RBFOX1: variants seen among roughly 807,000 people sequenced by gnomAD.
RBFOX1 encodes RNA binding protein fox-1 homolog 1.
A neutral mutation model predicts 57.7 loss-of-function variants in RBFOX1; 8 were observed. The ratio of observed to expected loss-of-function variants is 0.14; its 90% confidence interval spans 0.08 to 0.25. The LOEUF is 0.25. Among genes scored for constraint, RBFOX1 ranks in the 10% least tolerant of loss-of-function variants. The probability of loss-of-function intolerance (pLI) is 1.00; values close to 1 mark genes in which losing one functional copy is unlikely to be tolerated. For synonymous variants in RBFOX1, 326 were observed against 222.4 expected, an observed-to-expected ratio of 1.47 and a Z score of -4.15; for missense variants, 611 against 548.5, an observed-to-expected ratio of 1.11 and a Z score of -1.14.
chr16:5,349,663 C>G (rs533432928), intron 1 of RBFOX1, among the ~76,000 whole-genome samples: 5 of 152,046 alleles, frequency 3.3e-5, no homozygotes, highest in African/African-American at 4.8e-5. Flanking sequence ...CAGAGCAAAA[C>G]TGTGTCTGGG....
chr16:7,259,465 C>T (rs529619793), intron 4 of RBFOX1, among the ~76,000 whole-genome samples: 3 of 151,782 alleles, frequency 2.0e-5, no homozygotes, highest in Admixed American at 1.3e-4. Context: ...TAAAATATTG[C>T]AGCCATTTGC....
At chr16:6,486,852 T>C (rs1684589590) in intron 2 of RBFOX1, among the ~76,000 whole-genome samples, 2 of 152,160 alleles carry the variant, frequency 1.3e-5, no homozygotes, top group Admixed American at 1.3e-4. Context: ...AGAAGAATTT[T>C]ACAATTATGA....
intron 2 of RBFOX1, among the ~76,000 whole-genome samples, chr16:5,529,746 T>A (rs1279439679): frequency 6.6e-6 from 1 of 152,066 alleles, no homozygotes; most frequent in Non-Finnish European, 1.5e-5. Context: ...TTTTGTATTT[T>A]TAGTAGAAAC....
At chr16:6,827,589 C>A (rs1157838670) in intron 3 of RBFOX1, among the ~76,000 whole-genome samples, 1 of 152,150 alleles carries the variant, frequency 6.6e-6, no homozygotes, top group Middle Eastern at 3.2e-3. Flanking sequence ...TCTCAGAGGG[C>A]CAGTCTCAGA....
At chr16:7,531,665 G>C (rs2080107391) in intron 5 of RBFOX1, among the ~76,000 whole-genome samples, 2 of 152,170 alleles carry the variant, frequency 1.3e-5, no homozygotes, top group Non-Finnish European at 2.9e-5. Flanking sequence ...TTACGGATGA[G>C]GGAACTGAGG....
At chr16:6,528,357 C>T (rs1362331) in intron 2 of RBFOX1, among the ~76,000 whole-genome samples, 5,318 of 152,282 alleles carry the variant, frequency 0.035, 340 homozygotes, top group African/African-American at 0.12. Context: ...TAACTGTTTG[C>T]ACAGTCTCCA....
chr16:7,433,052 T>C (rs1383799500), intron 4 of RBFOX1, among the ~76,000 whole-genome samples: 1 of 152,162 alleles, frequency 6.6e-6, no homozygotes, highest in African/African-American at 2.4e-5. Context: ...CCGCATAATC[T>C]TGTTTTCCCA....
chr16:5,416,440 A>C (rs1471204787), intron 1 of RBFOX1, among the ~76,000 whole-genome samples: 1 of 152,174 alleles, frequency 6.6e-6, no homozygotes, highest in Non-Finnish European at 1.5e-5. Flanking sequence ...TTTTTAGTTC[A>C]ACTTTTTCCC....
chr16:6,058,863 T>G (rs914886535), intron 1 of RBFOX1, among the ~76,000 whole-genome samples: 6 of 150,722 alleles, frequency 4.0e-5, no homozygotes. Flanking sequence ...CATCCATCCA[T>G]CCATCCATCC....
At position 5,927,315 on chromosome 16, in the gene RBFOX1, G is replaced by A. The variant is rs141415019; in HGVS notation, c.351+59980G>A. Among the ~76,000 whole-genome samples the A allele has an allele frequency of 3.1e-3, 476 of 152,308 alleles. 2 individuals are homozygous for A. The highest frequency in any genetic ancestry group is 0.011 in the African/African-American group (451 of 41,574). ...TGTGTGGCAAACAGACTTTTTGCTTGTTGAATTCCAAAATGTTGCAAGAAA... is the reference window on the plus strand; with the variant it reads ...TGTGTGGCAAACAGACTTTTTGCTTATTGAATTCCAAAATGTTGCAAGAAA... On this transcript the variant is annotated intron_variant, in intron 4 of 19. Transcript: ENST00000641259.
At chr16:6,242,607 T>A (rs2097545528) in intron 1 of RBFOX1, among the ~76,000 whole-genome samples, 1 of 139,346 alleles carries the variant, frequency 7.2e-6, no homozygotes, top group East Asian at 2.2e-4. Flanking sequence ...ACGTTCAGTT[T>A]GAGAGAGGAT....
chr16:6,909,215 T>C (rs1001180716), intron 3 of RBFOX1, among the ~76,000 whole-genome samples: 1 of 152,220 alleles, frequency 6.6e-6, no homozygotes, highest in African/African-American at 2.4e-5. Flanking sequence ...TGCCGGTTTC[T>C]AGAGGCCACC....
At chr16:7,533,792 C>T (rs1395433510) in intron 5 of RBFOX1, among the ~76,000 whole-genome samples, 4 of 152,264 alleles carry the variant, frequency 2.6e-5, no homozygotes, top group South Asian at 4.1e-4. Context: ...TCTGTACTGA[C>T]CTTGATTTAA....
intron 2 of RBFOX1, among the ~76,000 whole-genome samples, chr16:6,330,295 T>C: frequency 6.6e-6 from 1 of 152,182 alleles, no homozygotes; most frequent in Admixed American, 6.5e-5. Flanking sequence ...GCTCCTTTCC[T>C]AAGGCTGACT....
chr16:6,974,668 A>G (rs542078758), intron 3 of RBFOX1, among the ~76,000 whole-genome samples: 1 of 152,034 alleles, frequency 6.6e-6, no homozygotes, highest in South Asian at 2.1e-4. Context: ...CTTTATTTGC[A>G]TTTCTGGAAG....
At chr16:7,234,873 G>C (rs1313567834) in intron 4 of RBFOX1, among the ~76,000 whole-genome samples, 1 of 152,064 alleles carries the variant, frequency 6.6e-6, no homozygotes, top group African/African-American at 2.4e-5. Context: ...TAACAATTTT[G>C]TATGTCCCAT....
intron 4 of RBFOX1, among the ~76,000 whole-genome samples, chr16:7,262,006 C>G (rs1195646167): frequency 6.6e-6 from 1 of 152,130 alleles, no homozygotes; most frequent in Non-Finnish European, 1.5e-5. Flanking sequence ...CTGATTATCC[C>G]TTTCTCTGTT....
chr16:7,027,887 G>T lies in RBFOX1; in HGVS notation c.-15-24170G>T, dbSNP rs1425272911. On this transcript the variant is annotated intron_variant, in intron 3 of 15. Transcript: ENST00000550418. ...GGAGAGGGAAACCGGGAGAAAAAAAGAAGGGAGAAGAGAAGGGAGGAAGAA... is the reference window on the plus strand; with the variant it reads ...GGAGAGGGAAACCGGGAGAAAAAAATAAGGGAGAAGAGAAGGGAGGAAGAA... 2.0e-5 allele frequency among the ~76,000 whole-genome samples: 3 copies of T among 151,212 alleles called. 1 individual carries two copies. The East Asian group carries it at 5.9e-4, about 30-fold the overall frequency.
intron 5 of RBFOX1, among the ~76,000 whole-genome samples, chr16:7,570,868 G>A (rs745448090): frequency 2.0e-5 from 3 of 152,200 alleles, no homozygotes; most frequent in Admixed American, 6.6e-5. Flanking sequence ...TAAAGAAAAT[G>A]TGGTACATAT....
Sources: gnomAD v4.1 joint callset for allele counts (sites outside exome capture counted in the v4.1 genomes callset) on GRCh38, gnomAD v4.1.1 for gene constraint, MANE v1.5 for transcripts, NCBI Gene and HGNC (gene_info 2026-07-23, HGNC 2026-07-21) for gene names.